SLC4A4: variants seen among roughly 807,000 people sequenced by gnomAD.
The protein encoded by SLC4A4 is solute carrier family 4 member 4, also known as electrogenic sodium bicarbonate cotransporter 1.
In SLC4A4, 27 loss-of-function variants were observed where a neutral mutation model predicts 111.5. The ratio of observed to expected loss-of-function variants is 0.24; its 90% CI spans 0.18 to 0.33. The LOEUF (loss-of-function observed/expected upper bound fraction) is 0.33, where lower values mean the gene tolerates loss of function less well. SLC4A4 is among the 10% of genes least tolerant of loss of function. SLC4A4 has a pLI of 1.00. For synonymous variants in SLC4A4, 443 were observed against 463.4 expected, an observed-to-expected ratio of 0.96 and a Z score of 0.57; for missense variants, 909 against 1,315.5, an observed-to-expected ratio of 0.69 and a Z score of 4.78.
intron 2 of SLC4A4, among the ~76,000 whole-genome samples, chr4:71,167,778 A>G (rs575475984): frequency 1.1e-4 from 17 of 152,104 alleles, no homozygotes; most frequent in Non-Finnish European, 2.1e-4. Context: ...AAATGGCACC[A>G]TTTCCAAAAC....
intron 6 of SLC4A4, among the ~76,000 whole-genome samples, chr4:71,370,584 A>G (rs566156812): frequency 1.1e-4 from 16 of 152,336 alleles, no homozygotes; most frequent in African/African-American, 3.8e-4. Flanking sequence ...GGGTGTTTCA[A>G]CCAACTATAA....
chr4:71,503,680 C>T (rs1245211333), intron 16 of SLC4A4, among the ~76,000 whole-genome samples: 1 of 152,010 alleles, frequency 6.6e-6, no homozygotes, highest in East Asian at 1.9e-4. Context: ...TTGTTTTCGA[C>T]CATTTTAAGT....
At chr4:71,267,287 A>G (rs1722339753) in intron 3 of SLC4A4, among the ~76,000 whole-genome samples, 1 of 152,078 alleles carries the variant, frequency 6.6e-6, no homozygotes, top group Admixed American at 6.5e-5. Context: ...CAAGGTAGGG[A>G]GGTTAGGAAA....
intron 14 of SLC4A4, among the ~76,000 whole-genome samples, chr4:71,483,130 C>T (rs144692992): frequency 1.3e-4 from 19 of 151,662 alleles, no homozygotes; most frequent in East Asian, 5.9e-4. Flanking sequence ...TGGATTCATT[C>T]GGCTTTATTG....
intron 2 of SLC4A4, among the ~76,000 whole-genome samples, chr4:71,170,439 GC>G (rs1012072605): frequency 6.6e-6 from 1 of 152,174 alleles, no homozygotes; most frequent in African/African-American, 2.4e-5. Flanking sequence ...TTTTACTCAA[GC>G]CAATAGCTGA....
At position 71,449,293 on chromosome 4, in the gene SLC4A4, C is replaced by T. The variant is rs1306741825; in HGVS notation, c.1054-1096C>T. 2.6e-5 allele frequency among the ~76,000 whole-genome samples: 4 copies of T among 152,136 alleles called. No individual in the cohort carries two copies. In the East Asian group the frequency reaches 7.7e-4, roughly 29 times the overall value. On this transcript the variant is annotated intron_variant, in intron 9 of 25. Coordinates refer to ENST00000264485, the MANE Select transcript of SLC4A4 (RefSeq NM_001098484.3). ...GTGTGGTAATGCTAGCTGTATCTCC[C>T]TTTTTAAACAGGTATTCTAGAGCTT...
intron 3 of SLC4A4, among the ~76,000 whole-genome samples, chr4:71,295,126 GA>G (rs1486152864): frequency 6.6e-6 from 1 of 152,166 alleles, no homozygotes; most frequent in Non-Finnish European, 1.5e-5. Flanking sequence ...TTTCTGCAGG[GA>G]GTGATAATTG....
At chr4:71,315,208 CAA>C in intron 3 of SLC4A4, among the ~76,000 whole-genome samples, 1 of 152,030 alleles carries the variant, frequency 6.6e-6, no homozygotes, top group East Asian at 1.9e-4. Flanking sequence ...TATTCTGTGC[CAA>C]TTGGTATCAG....
At chr4:71,376,156 T>TACACACACACAC (rs146405766) in intron 6 of SLC4A4, among the ~76,000 whole-genome samples, 215 of 135,548 alleles carry the variant, frequency 1.6e-3, no homozygotes, top group Middle Eastern at 3.9e-3. Flanking sequence ...CCTGTATATA[T>TACACACACACAC]ACACACACAC....
intron 2 of SLC4A4, among the ~76,000 whole-genome samples, chr4:71,121,990 A>G (rs1743444020): frequency 6.6e-6 from 1 of 152,152 alleles, no homozygotes. Flanking sequence ...TAAGAGCTGT[A>G]ACACTCACTG....
At chr4:71,545,761 A>C (rs1735464088) in intron 18 of SLC4A4, among the ~76,000 whole-genome samples, 2 of 152,056 alleles carry the variant, frequency 1.3e-5, no homozygotes, top group African/African-American at 4.8e-5. Context: ...ATACCTTCTC[A>C]ATCTTGCTTT....
intron 16 of SLC4A4, among the ~76,000 whole-genome samples, chr4:71,528,291 G>C (rs1008511951): frequency 1.3e-5 from 2 of 152,076 alleles, no homozygotes; most frequent in African/African-American, 4.8e-5. Flanking sequence ...GCCATCTTTA[G>C]AGGGTGATAT....
At chr4:71,439,039 C>T (rs1488610649) in intron 7 of SLC4A4, among the ~76,000 whole-genome samples, 3 of 151,718 alleles carry the variant, frequency 2.0e-5, no homozygotes, top group African/African-American at 7.3e-5. Context: ...ATTTTATTCT[C>T]TCCTCCCCTA....
chr4:71,555,033 A>G, intron 20 of SLC4A4, 107 bp from the exon 21 acceptor site: 1 of 806,846 alleles, frequency 1.2e-6, no homozygotes, highest in South Asian at 1.4e-5. Context: ...CTAAGTTATT[A>G]TATCCTATAT....
At chr4:71,489,993 AGGATAACT>A (rs1729756570) in intron 15 of SLC4A4, among the ~76,000 whole-genome samples, 2 of 151,842 alleles carry the variant, frequency 1.3e-5, no homozygotes, top group Non-Finnish European at 2.9e-5. Context: ...TTAGAACTCT[AGGATAACT>A]ATGTCTCAAG....
chr4:71,171,964 C>T (rs1315615940), intron 2 of SLC4A4, among the ~76,000 whole-genome samples: 1 of 152,170 alleles, frequency 6.6e-6, no homozygotes, highest in Non-Finnish European at 1.5e-5. Flanking sequence ...GTCTATAACT[C>T]TTCTACTTTG....
chr4:71,213,188 T>C (rs1040739947), intron 1 of SLC4A4, among the ~76,000 whole-genome samples: 3 of 152,248 alleles, frequency 2.0e-5, no homozygotes, highest in African/African-American at 7.2e-5. Flanking sequence ...AATGCATGAC[T>C]GCATAAGACC....
intron 3 of SLC4A4, among the ~76,000 whole-genome samples, chr4:71,329,302 G>C (rs1372303896): frequency 1.3e-5 from 2 of 151,986 alleles, no homozygotes; most frequent in African/African-American, 4.8e-5. Context: ...TAGCTATTCT[G>C]GGTCTTTTGT....
intron 1 of SLC4A4, among the ~76,000 whole-genome samples, chr4:71,191,507 C>T (rs556316021): frequency 6.6e-6 from 1 of 152,270 alleles, no homozygotes; most frequent in South Asian, 2.1e-4. Flanking sequence ...ACATGTTTGT[C>T]GAATGACTGT....
Sources: allele counts gnomAD v4.1 joint callset (sites outside exome capture counted in the v4.1 genomes callset), GRCh38; gene constraint gnomAD v4.1.1; transcripts MANE v1.5; gene names NCBI Gene and HGNC (gene_info 2026-07-23, HGNC 2026-07-21).